The following PSG2 variants were observed in gnomAD, a reference collection of about 807,000 sequenced individuals.
The protein encoded by PSG2 is pregnancy-specific beta-1-glycoprotein 2.
PSG2 carries 49 observed loss-of-function variants against 36.2 expected under a neutral mutation model. The observed-to-expected ratio is 1.35, with a 90% CI of 1.08 to 1.72. The LOEUF is 1.72. Ranked by LOEUF, PSG2 falls within the 40% of genes most tolerant of loss-of-function variation. The probability of loss-of-function intolerance (pLI) is 0.00; values close to 1 mark genes in which losing one functional copy is unlikely to be tolerated. For synonymous variants in PSG2, 261 were observed against 155.6 expected (o/e 1.68, Z -5.04); for missense variants, 605 against 407.2 (o/e 1.49, Z -4.18).
intron 4 of PSG2, among the ~76,000 whole-genome samples, chr19:43,067,599 A>T (rs1967757535): frequency 1.3e-5 from 2 of 151,442 alleles, no homozygotes; most frequent in South Asian, 4.2e-4. Context: ...GAAAAGACAG[A>T]AGCTTAGCGT....
intron 3 of PSG2, 58 bp from the exon 4 acceptor site, chr19:43,072,012 G>C: frequency 1.9e-6 from 3 of 1,584,770 alleles, no homozygotes; most frequent in South Asian, 1.2e-5. Flanking sequence ...GGATGCTCCT[G>C]GTCTCTTAAA....
rs771999948 is a variant in PSG2, at chr19:43,081,172, C to T, written c.139G>A (p.Glu47Lys). ...TIEAQPPKVS[E>K]GKDVLLLVHN... Reference sequence around the variant, plus strand: ...ACAAGTAGAAGAACATCCTTCCCCTCGGAAACTTTTGGTGGCTGGGCTTCA... The same window carrying T: ...ACAAGTAGAAGAACATCCTTCCCCTTGGAAACTTTTGGTGGCTGGGCTTCA... Residue 47 changes from glutamate (E) to lysine (K), a missense_variant, in exon 2 of 6, where the codon GAG becomes AAG. Physicochemically the swap from Glu to Lys is moderately conservative, Grantham distance 56 (BLOSUM62 1). Coordinates refer to ENST00000406487, the MANE Select transcript of PSG2 (RefSeq NM_031246.4). 65 of 1,612,578 alleles carry T rather than the reference C, an allele frequency of 4.0e-5. No homozygotes were observed. Among genetic ancestry groups the T allele is most frequent in the Middle Eastern group, 1.6e-4 (1 of 6,082 alleles).
intron 3 of PSG2, chr19:43,072,573 C>A: frequency 6.2e-7 from 1 of 1,611,360 alleles, no homozygotes; most frequent in South Asian, 1.1e-5. Context: ...GCTAATACAT[C>A]CTTATTCTCC....
At chr19:43,073,396 G>A (rs563211247) in intron 3 of PSG2, among the ~76,000 whole-genome samples, 14 of 151,902 alleles carry the variant, frequency 9.2e-5, no homozygotes, top group Non-Finnish European at 2.1e-4. Flanking sequence ...TCTGCAGAGG[G>A]CAGGTGAGGA....
At position 43,082,628 on chromosome 19, in the gene PSG2, C is replaced by G; in HGVS notation, c.-59G>C. ...GATGAGCCTAGGATCCAGAAACTTC[C>G]TGAGCACGGCTGTCAGCTGTGCTGT... On this transcript the variant is annotated 5_prime_UTR_variant, in exon 1 of 6. Transcript: ENST00000406487. 1 of 1,592,618 alleles carries G rather than the reference C, an allele frequency of 6.3e-7. No individual in the cohort carries two copies. The highest frequency in any genetic ancestry group is 8.6e-7 in the Non-Finnish European group (1 of 1,164,514).
intron 4 of PSG2, among the ~76,000 whole-genome samples, chr19:43,070,635 G>A (rs1168727088): frequency 6.6e-6 from 1 of 151,642 alleles, no homozygotes; most frequent in Non-Finnish European, 1.5e-5. Context: ...ATAAAAGATA[G>A]TTAGAATAGC....
chr19:43,075,145 T>A (rs1467447935), intron 3 of PSG2, among the ~76,000 whole-genome samples: 1 of 151,662 alleles, frequency 6.6e-6, no homozygotes, highest in African/African-American at 2.4e-5. Context: ...GGACCCTGAG[T>A]CTCCTATGAC....
At position 43,082,450 on chromosome 19, in the gene PSG2, C is replaced by A. The variant is rs1420038891; in HGVS notation, c.64+56G>T. 6 of 1,593,638 alleles carry A rather than the reference C, an allele frequency of 3.8e-6. No individual in the cohort carries two copies. The East Asian group carries it at 1.1e-4, about 30-fold the overall frequency. On this transcript the variant is annotated intron_variant, in intron 1 of 5. Coordinates refer to ENST00000406487, the MANE Select transcript of PSG2 (RefSeq NM_031246.4). The stretch of plus-strand genomic sequence containing the variant: ...AGAACCCCATCCTCTCCAGGAGACC[C>A]CATCCAGTCACTCTTCTTCCTCCTC...
At chr19:43,065,195 T>C (rs1205429537) in intron 5 of PSG2, among the ~76,000 whole-genome samples, 1 of 151,680 alleles carries the variant, frequency 6.6e-6, no homozygotes, top group Non-Finnish European at 1.5e-5. Flanking sequence ...TAGCATCACT[T>C]ATCCCTTATT....
intron 3 of PSG2, chr19:43,072,630 C>T: frequency 6.2e-7 from 1 of 1,611,368 alleles, no homozygotes; most frequent in South Asian, 1.1e-5. Context: ...GGCAGCTTCG[C>T]TGTGTGGATA....
rs372195613 is a variant in PSG2 at position 43,068,003 on chromosome 19, T to C, written c.965-1403A>G. ...TAATAAGGATTAGAGTGGACATAAA[T>C]AAAATGGAGAACGGAAACAGAATAG... On this transcript the variant is annotated intron_variant, in intron 4 of 5. Coordinates refer to ENST00000406487, the MANE Select transcript of PSG2 (RefSeq NM_031246.4). Among the ~76,000 whole-genome samples, 6 of 151,298 alleles carry C rather than the reference T, an allele frequency of 4.0e-5. 1 individual carries two copies. Among genetic ancestry groups the C allele is most frequent in the African/African-American group, 1.5e-4 (6 of 40,842 alleles).
intron 2 of PSG2, 117 bp from the exon 3 acceptor site, chr19:43,075,749 C>G (rs1471012008): frequency 3.3e-6 from 5 of 1,510,410 alleles, no homozygotes; most frequent in Non-Finnish European, 4.4e-6. Context: ...CTTAAAAGCC[C>G]ATGGCAGGTG....
Position 43,064,370 on chromosome 19 carries a change from AG to A in PSG2, c.*271del, listed in dbSNP as rs1188464751. 9.7e-6 allele frequency: 3 copies of A among 307,788 alleles called. No homozygotes were observed. Among genetic ancestry groups the A allele is most frequent in the Non-Finnish European group, 1.3e-5 (2 of 157,192 alleles). 19.1% of individuals were successfully genotyped at this position (307,788 alleles called of 1,614,324 possible). ...CAAGAAAAAATGTTCATAAATCTGGAGAATGAAACATTCCAAGAATCAGCAC... is the reference window on the plus strand; with the variant it reads ...CAAGAAAAAATGTTCATAAATCTGGAAATGAAACATTCCAAGAATCAGCAC... On this transcript the variant is annotated 3_prime_UTR_variant, in exon 6 of 6. Coordinates refer to ENST00000406487, the MANE Select transcript of PSG2 (RefSeq NM_031246.4).
intron 2 of PSG2, among the ~76,000 whole-genome samples, chr19:43,077,210 G>T (rs1405437051): frequency 3.3e-5 from 5 of 151,642 alleles, no homozygotes; most frequent in South Asian, 2.1e-4. Flanking sequence ...GTGAATTCCA[G>T]CAGGATCACA....
At chr19:43,076,001 T>A (rs1419994238) in intron 2 of PSG2, among the ~76,000 whole-genome samples, 2 of 151,650 alleles carry the variant, frequency 1.3e-5, no homozygotes, top group Admixed American at 6.6e-5. Context: ...ATCTTCTTAG[T>A]TTCAGTCTTA....
At chr19:43,067,054 T>C (rs574070014) in intron 4 of PSG2, among the ~76,000 whole-genome samples, 5 of 151,624 alleles carry the variant, frequency 3.3e-5, no homozygotes, top group Non-Finnish European at 5.9e-5. Flanking sequence ...AAAGCTTCTT[T>C]CCTACAGGCT....
chr19:43,078,748 A>G (rs1489045170), intron 2 of PSG2, among the ~76,000 whole-genome samples: 1 of 151,696 alleles, frequency 6.6e-6, no homozygotes, highest in Non-Finnish European at 1.5e-5. Context: ...ACTTGGAGTC[A>G]TTAAAATCTT....
chr19:43,072,472 G>A, intron 3 of PSG2: 2 of 1,611,432 alleles, frequency 1.2e-6, no homozygotes, highest in South Asian at 2.2e-5. Flanking sequence ...TGTTTTCAAT[G>A]GGTCGCTTTA....
chr19:43,078,140 C>G (rs1387456148), intron 2 of PSG2, among the ~76,000 whole-genome samples: 2 of 151,780 alleles, frequency 1.3e-5, no homozygotes, highest in Non-Finnish European at 2.9e-5. Flanking sequence ...GGCATCTAGT[C>G]TCAGGCTGGC....
Sources: allele counts gnomAD v4.1 joint callset (sites outside exome capture counted in the v4.1 genomes callset), GRCh38; gene constraint gnomAD v4.1.1; transcripts MANE v1.5; gene names NCBI Gene and HGNC (gene_info 2026-07-23, HGNC 2026-07-21).